The following RPL3L variants were observed in gnomAD, a reference collection of about 807,000 sequenced individuals.
RPL3L encodes ribosomal protein L3 like.
Under a neutral mutation model 44.5 loss-of-function variants are expected in RPL3L, and 44 were observed. The observed-to-expected ratio is 0.99, with a 90% CI of 0.78 to 1.27. The LOEUF (loss-of-function observed/expected upper bound fraction) is 1.27, where lower values mean the gene tolerates loss of function less well. RPL3L is among the 50% of genes most tolerant of loss of function. RPL3L has a pLI of 0.00. For synonymous variants in RPL3L, 292 were observed against 230.7 expected, an observed-to-expected ratio of 1.27 and a Z score of -2.41; for missense variants, 631 against 569.1, an observed-to-expected ratio of 1.11 and a Z score of -1.11.
At position 1,946,743 on chromosome 16, in the gene RPL3L, C is replaced by T. The variant is rs751898502; in HGVS notation, c.850-17G>A. 2 of 1,611,460 alleles carry T rather than the reference C, an allele frequency of 1.2e-6. No individual in the cohort carries two copies. Among genetic ancestry groups the T allele is most frequent in the South Asian group, 1.1e-5 (1 of 91,064 alleles). On this transcript the variant is annotated splice_polypyrimidine_tract_variant and intron_variant, in intron 6 of 9. Transcript: ENST00000268661. ...GCGGAAGATCTGCCAGAAGGGGGCA[C>T]ATGCCAGGGGCAGGAAGTGGCCTCT...
chr16:1,947,207 A>G lies in RPL3L; in HGVS notation c.675T>C (p.Gly225=), dbSNP rs778351938. 1.9e-6 allele frequency: 3 copies of G among 1,612,136 alleles called. No individual in the cohort carries two copies. The highest frequency in any genetic ancestry group is 1.7e-5 in the Admixed American group (1 of 59,754). The change falls in exon 5 of 10, where the codon GGT becomes GGC. Residue 225 remains glycine, a synonymous_variant. Transcript: ENST00000268661. ...EVIDVIAVTK[G]RGVKGVTSRW... ...ACTGAGCCCTACCTTTGACGCCTCG[A>G]CCCTTGGTGACAGCAATGACATCAA...
intron 9 of RPL3L, 24 bp downstream of exon 9, chr16:1,945,475 C>A (rs376204634): frequency 1.3e-6 from 2 of 1,595,866 alleles, no homozygotes; most frequent in Non-Finnish European, 1.7e-6. Flanking sequence ...CAGAGAAGAA[C>A]AAGGATGGGG....
intron 1 of RPL3L, 32 bp downstream of exon 1, chr16:1,954,597 C>G: frequency 1.3e-6 from 2 of 1,519,730 alleles, no homozygotes; most frequent in African/African-American, 1.4e-5. Context: ...CCAGCTCCAA[C>G]CCCAGCCCAC....
At chr16:1,953,700 C>G (rs919912855) in intron 2 of RPL3L, among the ~76,000 whole-genome samples, 1 of 152,234 alleles carries the variant, frequency 6.6e-6, no homozygotes, top group Admixed American at 6.5e-5. Flanking sequence ...AATCCTAGCT[C>G]CTGCGCTTAC....
In RPL3L at chr16:1,954,010, C is replaced by T; in HGVS notation, c.142G>A (p.Gly48Ser). Residue 48 changes from glycine to serine, a missense_variant, in exon 2 of 10, where the codon GGC (glycine) becomes AGC (serine). By Grantham distance (56) the Gly-to-Ser change is moderately conservative. Transcript: ENST00000268661. ...GTGTGGGTCATGCCCGCCTTGTAGCCCAGGAAGGCCGTGAGGTGCACGGGC... is the reference window on the plus strand; with the variant it reads ...GTGTGGGTCATGCCCGCCTTGTAGCTCAGGAAGGCCGTGAGGTGCACGGGC... ...SQPVHLTAFL[G>S]YKAGMTHTLR... 6.2e-7 allele frequency: 1 copy of T among 1,601,254 alleles called. No individual in the cohort carries two copies. The highest frequency in any genetic ancestry group is 8.5e-7 in the Non-Finnish European group (1 of 1,173,120).
chr16:1,949,259 CTTTTTTTTTTTTTTTTT>C (rs58248501), intron 4 of RPL3L, among the ~76,000 whole-genome samples: 3 of 75,236 alleles, frequency 4.0e-5, no homozygotes, highest in Non-Finnish European at 7.7e-5. Flanking sequence ...TTTTTTTTTT[CTTTTTTTTTTTTTTTTT>C]TTTTTGAGAC....
chr16:1,945,012 C>A lies in RPL3L; in HGVS notation c.1168-119G>T, dbSNP rs2083110083. 3 of 1,239,940 alleles carry A rather than the reference C, an allele frequency of 2.4e-6. No homozygotes were observed. The African/African-American group carries it at 4.5e-5, about 19-fold the overall frequency. The allele number at this position is 1,239,940 out of a possible 1,614,324, so 76.8% of individuals were successfully genotyped here. A position where few individuals can be genotyped will look rare whatever the true frequency, so the allele number is the denominator to read the frequency against. ...TACTGCCCCCCTAAGGCTGCTTCCT[C>A]CCCCACCTTCTCTTCTAAAGAATCA... is the stretch of plus-strand genomic sequence containing the variant. On this transcript the variant is annotated intron_variant, in intron 9 of 9. Transcript: ENST00000268661.
rs1263193899 is a variant in RPL3L at position 1,945,881 on chromosome 16, T to G, written c.1001A>C (p.Lys334Thr). The G allele has an allele frequency of 2.5e-6, 4 of 1,613,850 alleles. No homozygotes were observed. Among genetic ancestry groups the G allele is most frequent in the South Asian group, 2.2e-5 (2 of 91,064 alleles). The stretch of plus-strand genomic sequence containing the variant: ...CTTCTTGGTACCAGCAATACAACCC[T>G]TCAGCATGACGAAGTCGTTGTTCAC... ...GEVNNDFVML[K>T]GCIAGTKKRV... Residue 334 changes from lysine to threonine, a missense_variant, in exon 8 of 10, where the codon AAG becomes ACG. Physicochemically the swap from Lys to Thr is moderately conservative, Grantham distance 78 (BLOSUM62 -1). Coordinates refer to ENST00000268661, the MANE Select transcript of RPL3L (RefSeq NM_005061.3).
intron 3 of RPL3L, 72 bp downstream of exon 3, chr16:1,952,802 G>C (rs1027558398): frequency 3.5e-5 from 55 of 1,562,806 alleles, no homozygotes; most frequent in Non-Finnish European, 4.7e-5. Context: ...TTCAGCAAGA[G>C]CTAGAGCCTC....
chr16:1,954,224 C>T (rs998462878), intron 1 of RPL3L, 76 bp from the exon 2 acceptor site: 2 of 1,373,452 alleles, frequency 1.5e-6, no homozygotes, highest in Admixed American at 5.7e-5. Flanking sequence ...GAACCCATAC[C>T]TGGAGAAATG....
chr16:1,949,118 G>A (rs2150863309), intron 4 of RPL3L, among the ~76,000 whole-genome samples: 1 of 149,192 alleles, frequency 6.7e-6, no homozygotes, highest in East Asian at 2.0e-4. Flanking sequence ...CTACAGGCAT[G>A]CACCACCATG....
chr16:1,945,665 C>T, intron 8 of RPL3L, 47 bp from the exon 9 acceptor site: 1 of 1,611,994 alleles, frequency 6.2e-7, no homozygotes, highest in Non-Finnish European at 8.5e-7. Context: ...GGATCCCCCA[C>T]ACCCTGCTGT....
At chr16:1,954,414 G>C (rs890063435) in intron 1 of RPL3L, among the ~76,000 whole-genome samples, 5 of 152,082 alleles carry the variant, frequency 3.3e-5, no homozygotes, top group African/African-American at 1.2e-4. Context: ...GCAGCCAAGG[G>C]CTCCTGGGGC....
chr16:1,947,791 T>C (rs2083135511), intron 4 of RPL3L, among the ~76,000 whole-genome samples: 1 of 152,048 alleles, frequency 6.6e-6, no homozygotes, highest in Admixed American at 6.6e-5. Flanking sequence ...TGCACAGGCC[T>C]GGTGGCAGAG....
intron 4 of RPL3L, among the ~76,000 whole-genome samples, chr16:1,949,495 C>T (rs988858024): frequency 2.6e-4 from 39 of 150,000 alleles, no homozygotes; most frequent in African/African-American, 9.1e-4. Context: ...TCAGGTGATC[C>T]GCCTGCCTTG....
chr16:1,946,806 C>T, intron 6 of RPL3L, 80 bp from the exon 7 acceptor site: 1 of 1,585,008 alleles, frequency 6.3e-7, no homozygotes, highest in Non-Finnish European at 8.6e-7. Context: ...CGCCCACATG[C>T]TCAGACTCAG....
At chr16:1,946,396 G>A (rs914412115) in intron 7 of RPL3L, among the ~76,000 whole-genome samples, 1 of 152,374 alleles carries the variant, frequency 6.6e-6, no homozygotes, top group South Asian at 2.1e-4. Context: ...GGACAGCCAA[G>A]GCAAGGGTCC....
chr16:1,952,726 C>T (rs1473905134), intron 3 of RPL3L, 148 bp downstream of exon 3: 1 of 889,850 alleles, frequency 1.1e-6, no homozygotes, highest in Non-Finnish European at 1.7e-6. Flanking sequence ...CACACACACA[C>T]ACACAGACAC....
chr16:1,944,308 G>C lies in RPL3L; in HGVS notation c.*529C>G, dbSNP rs1198914883. On this transcript the variant is annotated 3_prime_UTR_variant, in exon 10 of 10. Transcript: ENST00000268661. ...AGATCAGTGCTTGAGATATTTTGCC[G>C]ACCCTGCAACTTGATGGATCTGCTG... 1 of 154,590 alleles carries C rather than the reference G, an allele frequency of 6.5e-6. No individual in the cohort carries two copies. Among genetic ancestry groups the C allele is most frequent in the African/African-American group, 2.4e-5 (1 of 41,376 alleles). 9.6% of individuals were successfully genotyped at this position (154,590 alleles called of 1,614,324 possible). A position where few individuals can be genotyped will look rare whatever the true frequency, so the allele number is the denominator to read the frequency against.
Sources: gnomAD v4.1 joint callset for allele counts (sites outside exome capture counted in the v4.1 genomes callset) on GRCh38, gnomAD v4.1.1 for gene constraint, MANE v1.5 for transcripts, NCBI Gene and HGNC (gene_info 2026-07-23, HGNC 2026-07-21) for gene names.